The following ETS2 variants were observed in gnomAD, a reference collection of about 807,000 sequenced individuals.
ETS2 encodes ETS proto-oncogene 2, transcription factor.
A neutral mutation model predicts 54.9 loss-of-function variants in ETS2; 19 were observed. The observed-to-expected ratio is 0.35, with a 90% CI of 0.24 to 0.51. ETS2 has a LOEUF of 0.51. ETS2 is among the 20% of genes least tolerant of loss of function. ETS2 has a pLI of 0.97. For missense variants in ETS2, 417 were observed against 593.0 expected, an observed-to-expected ratio of 0.70 and a Z score of 3.08; for synonymous variants, 219 against 229.3, an observed-to-expected ratio of 0.95 and a Z score of 0.41.
At position 38,806,623 on chromosome 21, in the gene ETS2, T is replaced by C. The variant is rs890371930; in HGVS notation, c.-1+503T>C. 4 of 984,930 alleles carry C rather than the reference T, an allele frequency of 4.1e-6. No homozygotes were observed. The highest frequency in any genetic ancestry group is 1.8e-5 in the African/African-American group (1 of 57,126). The allele number at this position is 984,930 out of a possible 1,614,324, so 61.0% of individuals were successfully genotyped here. A position where few individuals can be genotyped will look rare whatever the true frequency, so the allele number is the denominator to read the frequency against. Reference sequence around the variant, plus strand: ...GAGGATCTGGGGCGCCCAAGACACCTGAAGGCTGCGGCACCGCGGGAACCT... The same window carrying C: ...GAGGATCTGGGGCGCCCAAGACACCCGAAGGCTGCGGCACCGCGGGAACCT... On this transcript the variant is annotated intron_variant, in intron 1 of 9. Coordinates refer to ENST00000360938, the MANE Select transcript of ETS2 (RefSeq NM_005239.6). This position sits in a 1 kb window ranked among gnomAD's most constrained non-coding sequence, Gnocchi z 4.3.
chr21:38,811,473 C>A (rs997863336), intron 2 of ETS2, among the ~76,000 whole-genome samples: 1 of 152,144 alleles, frequency 6.6e-6, no homozygotes, highest in South Asian at 2.1e-4. Context: ...AAAAAGAAAG[C>A]GGGTAACCGA....
intron 6 of ETS2, 81 bp from the exon 7 acceptor site, chr21:38,818,344 C>T: frequency 6.3e-7 from 1 of 1,597,610 alleles, no homozygotes; most frequent in South Asian, 1.1e-5. Context: ...GCGGAGTGCT[C>T]ACCTGTCATT....
chr21:38,822,697 G>T lies in ETS2; in HGVS notation c.1218G>T (p.Arg406Ser). The T allele has an allele frequency of 6.2e-7, 1 of 1,613,910 alleles. No individual in the cohort carries two copies. The highest frequency in any genetic ancestry group is 8.5e-7 in the Non-Finnish European group (1 of 1,179,914). The change falls in exon 10 of 10, where the codon AGG becomes AGT. Residue 406 changes from arginine (R) to serine (S), a missense_variant. Around this residue, in one of 3 missense-constraint regions of ETS2, gnomAD observed 60 missense variants for 134.1 expected, o/e 0.45. Transcript: ENST00000360938. ...PDEVARRWGK[R>S]KNKPKMNYEK... ...AGGTGGCCCGCCGGTGGGGAAAGAG[G>T]AAAAATAAGCCCAAGATGAACTACG...
At chr21:38,818,680 G>T (rs762488396) in intron 7 of ETS2, 34 bp downstream of exon 7, 2 of 1,612,172 alleles carry the variant, frequency 1.2e-6, no homozygotes, top group South Asian at 2.2e-5. Flanking sequence ...CAAGGCTGTT[G>T]CTTTGATTCT....
intron 8 of ETS2, among the ~76,000 whole-genome samples, chr21:38,820,407 G>C (rs1041283326): frequency 6.6e-6 from 1 of 152,126 alleles, no homozygotes; most frequent in Non-Finnish European, 1.5e-5. Flanking sequence ...TTAAAATAAG[G>C]ATACTGAGGC....
Position 38,821,797 on chromosome 21 carries a change from C to A in ETS2, c.1194+93C>A. The A allele has an allele frequency of 1.2e-6, 1 of 849,096 alleles. No homozygotes were observed. Among genetic ancestry groups the A allele is most frequent in the South Asian group, 1.4e-5 (1 of 69,196 alleles). The allele number at this position is 849,096 out of a possible 1,614,324, so 52.6% of individuals were successfully genotyped here. On this transcript the variant is annotated intron_variant, in intron 9 of 9. Transcript: ENST00000360938. This position sits in a 1 kb window ranked among gnomAD's most constrained non-coding sequence, Gnocchi z 4.2. ...AGTTCTTTGGGCACAAAAAAGGGTTCACCAGTACTGCTGAGAATCTTTCCA... is the reference window on the plus strand; with the variant it reads ...AGTTCTTTGGGCACAAAAAAGGGTTAACCAGTACTGCTGAGAATCTTTCCA...
chr21:38,820,268 T>TGGAAA (rs775118221), intron 8 of ETS2, among the ~76,000 whole-genome samples: 4 of 152,244 alleles, frequency 2.6e-5, no homozygotes, highest in Admixed American at 1.3e-4. Flanking sequence ...TTTCCAGTAC[T>TGGAAA]TTAGCGAAAA....
chr21:38,819,536 G>T lies in ETS2; in HGVS notation c.845G>T (p.Gly282Val). 1.9e-6 allele frequency: 3 copies of T among 1,614,218 alleles called. No homozygotes were observed. The highest frequency in any genetic ancestry group is 2.5e-6 in the Non-Finnish European group (3 of 1,180,040). The change falls in exon 8 of 10, where the codon GGT becomes GTT. Residue 282 changes from glycine (G) to valine (V), a missense_variant. Coordinates refer to ENST00000360938, the MANE Select transcript of ETS2 (RefSeq NM_005239.6). ...AAAGACCACGACTCCCCTGAGAACG[G>T]TGCGGACAGCTTCGAGAGCTCAGAC... ...TPKDHDSPENGADSFESSDSL... is the reference protein window; with the variant it reads ...TPKDHDSPENVADSFESSDSL...
At position 38,814,775 on chromosome 21, in the gene ETS2, T is replaced by C; in HGVS notation, c.305-6T>C. 6.2e-7 allele frequency: 1 copy of C among 1,613,620 alleles called. No individual in the cohort carries two copies. The highest frequency in any genetic ancestry group is 8.5e-7 in the Non-Finnish European group (1 of 1,179,524). The stretch of plus-strand genomic sequence containing the variant: ...ATGTGTTCCATTTTTTCTTCTCTCC[T>C]GGTAGACCCCTGGCTGTGGAGTGAG... On this transcript the variant is annotated splice_polypyrimidine_tract_variant and splice_region_variant and intron_variant, in intron 4 of 9. Coordinates refer to ENST00000360938, the MANE Select transcript of ETS2 (RefSeq NM_005239.6). The surrounding 1 kb of genome is among the most constrained non-coding windows in gnomAD (Gnocchi z 4.2).
In ETS2 at chr21:38,821,865, T is replaced by G. The variant is rs1343559411; in HGVS notation, c.1194+161T>G. On this transcript the variant is annotated intron_variant, in intron 9 of 9. Transcript: ENST00000360938. This position sits in a 1 kb window ranked among gnomAD's most constrained non-coding sequence, Gnocchi z 4.2. ...TGTTGGGAAAATGGAAGTGGAGTCA[T>G]TGCTTTGTTGATAAACGTGTACAGT... 6.6e-6 allele frequency among the ~76,000 whole-genome samples: 1 copy of G among 152,216 alleles called. No homozygotes were observed. Among genetic ancestry groups the G allele is most frequent in the African/African-American group, 2.4e-5 (1 of 41,456 alleles).
intron 9 of ETS2, 35 bp from the exon 10 acceptor site, chr21:38,822,639 T>A: frequency 6.5e-7 from 1 of 1,546,720 alleles, no homozygotes; most frequent in Non-Finnish European, 8.9e-7. Flanking sequence ...ATTGACAAAT[T>A]GAGTTTAACT....
In ETS2 at chr21:38,821,045, G is replaced by A. The variant is rs1222106057; in HGVS notation, c.1076-541G>A. ...AGACAGAGGCTGTGAGGCAACGGGT[G>A]TGACCCCGCGTGGCTATTGAGTAAA... On this transcript the variant is annotated intron_variant, in intron 8 of 9. Coordinates refer to ENST00000360938, the MANE Select transcript of ETS2 (RefSeq NM_005239.6). The surrounding 1 kb of genome is among the most constrained non-coding windows in gnomAD (Gnocchi z 4.2). Among the ~76,000 whole-genome samples the A allele has an allele frequency of 6.6e-6, 1 of 152,200 alleles. No individual in the cohort carries two copies. Among genetic ancestry groups the A allele is most frequent in the Non-Finnish European group, 1.5e-5 (1 of 68,050 alleles).
intron 1 of ETS2, among the ~76,000 whole-genome samples, chr21:38,808,266 A>G (rs1455828419): frequency 1.3e-5 from 2 of 152,294 alleles, no homozygotes; most frequent in African/African-American, 2.4e-5. Context: ...TCAATTAGGT[A>G]GGAGTGGATG....
Position 38,806,409 on chromosome 21 carries a change from C to G in ETS2, c.-1+289C>G. 1 of 985,852 alleles carries G rather than the reference C, an allele frequency of 1.0e-6. No homozygotes were observed. Among genetic ancestry groups the G allele is most frequent in the Non-Finnish European group, 1.2e-6 (1 of 830,290 alleles). 61.1% of individuals were successfully genotyped at this position (985,852 alleles called of 1,614,324 possible). On this transcript the variant is annotated intron_variant, in intron 1 of 9. Transcript: ENST00000360938. This position sits in a 1 kb window ranked among gnomAD's most constrained non-coding sequence, Gnocchi z 4.3. ...GGGGTCGCCTAGCGGCGGGCGCGGC[C>G]AGGGCGCGCTGGCTTGTTTCGCTCG... is the stretch of plus-strand genomic sequence containing the variant.
rs2060893499 is a variant in ETS2 at position 38,806,462 on chromosome 21, C to T, written c.-1+342C>T. 1.0e-6 allele frequency: 1 copy of T among 985,400 alleles called. No individual in the cohort carries two copies. Among genetic ancestry groups the T allele is most frequent in the Admixed American group, 6.1e-5 (1 of 16,272 alleles). The allele number at this position is 985,400 out of a possible 1,614,324, so 61.0% of individuals were successfully genotyped here. A position where few individuals can be genotyped will look rare whatever the true frequency, so the allele number is the denominator to read the frequency against. ...TTTGTTTTTAAAAGGAAACGCAGGC[C>T]TGGTAGGGGGTCCTGCCCAGTGGAT... On this transcript the variant is annotated intron_variant, in intron 1 of 9. Transcript: ENST00000360938. The surrounding 1 kb of genome is among the most constrained non-coding windows in gnomAD (Gnocchi z 4.3).
chr21:38,808,301 T>C (rs974061194), intron 1 of ETS2, among the ~76,000 whole-genome samples: 5 of 152,194 alleles, frequency 3.3e-5, no homozygotes, highest in African/African-American at 1.2e-4. Flanking sequence ...GGCTTAGCTC[T>C]TAGTAACTAG....
chr21:38,820,977 G>A (rs951624621), intron 8 of ETS2, among the ~76,000 whole-genome samples: 5 of 152,266 alleles, frequency 3.3e-5, no homozygotes, highest in East Asian at 1.9e-4. Context: ...AATGTCAATC[G>A]AGGACAGGTG....
Position 38,814,456 on chromosome 21 carries a change from T to A in ETS2, c.304+64T>A. 1 of 1,588,394 alleles carries A rather than the reference T, an allele frequency of 6.3e-7. No homozygotes were observed. The highest frequency in any genetic ancestry group is 8.6e-7 in the Non-Finnish European group (1 of 1,163,922). ...AACCAACTTCAGTGCAGTTGTTTGA[T>A]CTTGACTTGTTTATTAAGCTTTTGC... On this transcript the variant is annotated intron_variant, in intron 4 of 9. Transcript: ENST00000360938. The surrounding 1 kb of genome is among the most constrained non-coding windows in gnomAD (Gnocchi z 4.2).
rs1262100821 is a variant in ETS2 at position 38,806,360 on chromosome 21, C to T, written c.-1+240C>T. 1 of 983,142 alleles carries T rather than the reference C, an allele frequency of 1.0e-6. No individual in the cohort carries two copies. The highest frequency in any genetic ancestry group is 1.1e-4 in the East Asian group (1 of 8,802). 60.9% of individuals were successfully genotyped at this position (983,142 alleles called of 1,614,324 possible). A position where few individuals can be genotyped will look rare whatever the true frequency, so the allele number is the denominator to read the frequency against. On this transcript the variant is annotated intron_variant, in intron 1 of 9. Transcript: ENST00000360938. This position sits in a 1 kb window ranked among gnomAD's most constrained non-coding sequence, Gnocchi z 4.3. ...GCTGGCGGGGTCGGCCGGGGGGTTC[C>T]TGCGTGCTAGGGCCGCTGTCTTCGG...
Sources: allele counts gnomAD v4.1 joint callset (sites outside exome capture counted in the v4.1 genomes callset), GRCh38; gene constraint gnomAD v4.1.1; regional missense constraint gnomAD v4.1.1; non-coding constraint Gnocchi (gnomAD v3.1); transcripts MANE v1.5; gene names NCBI Gene and HGNC (gene_info 2026-07-23, HGNC 2026-07-21).